The following ZMYM5 variants were observed in gnomAD, a reference collection of about 807,000 sequenced individuals.
ZMYM5 encodes zinc finger MYM-type protein 5.
ZMYM5 carries 41 observed loss-of-function variants against 61.8 expected under a neutral mutation model. The ratio of observed to expected loss-of-function variants is 0.66; its 90% CI spans 0.52 to 0.86. ZMYM5 has a LOEUF of 0.86. Among genes scored for constraint, ZMYM5 ranks in the 40% least tolerant of loss-of-function variants. The pLI is 0.00. For synonymous variants in ZMYM5, 257 were observed against 276.4 expected (o/e 0.93, Z 0.70); for missense variants, 706 against 786.7 (o/e 0.90, Z 1.23).
Position 19,838,911 on chromosome 13 carries a change from C to T in ZMYM5, c.661G>A (p.Ala221Thr), listed in dbSNP as rs746928521. Residue 221 changes from alanine (A) to threonine (T), a missense_variant, in exon 5 of 8, where the codon GCC (alanine) becomes ACC (threonine). Ala to Thr is a moderately conservative substitution (Grantham distance 58). Coordinates refer to ENST00000337963, the MANE Select transcript of ZMYM5 (RefSeq NM_001142684.2). The stretch of plus-strand genomic sequence containing the variant: ...TGGAAATTCTGCTTACGAAGTAAGG[C>T]CACTGGTGATAAAGAATCCACCCCT... ...QPGVDSLSPVALLRKQNFQPT... is the reference protein window; with the variant it reads ...QPGVDSLSPVTLLRKQNFQPT... The T allele has an allele frequency of 6.8e-6, 11 of 1,614,010 alleles. No individual in the cohort carries two copies. Among genetic ancestry groups the T allele is most frequent in the Non-Finnish European group, 9.3e-6 (11 of 1,180,012 alleles).
At chr13:19,855,552 G>A (rs573665520) in intron 2 of ZMYM5, among the ~76,000 whole-genome samples, 7 of 151,594 alleles carry the variant, frequency 4.6e-5, no homozygotes, top group Admixed American at 6.6e-5. Context: ...ATGAGCCACC[G>A]CGCCCGGCCC....
At chr13:19,847,853 C>T (rs1221656881) in intron 4 of ZMYM5, among the ~76,000 whole-genome samples, 1 of 130,630 alleles carries the variant, frequency 7.7e-6, no homozygotes, top group Non-Finnish European at 1.6e-5. Flanking sequence ...ACGGGTTTCA[C>T]TGTGTTAGCC....
At chr13:19,829,135 T>TA (rs1368241874) in intron 7 of ZMYM5, among the ~76,000 whole-genome samples, 1 of 152,086 alleles carries the variant, frequency 6.6e-6, no homozygotes, top group Non-Finnish European at 1.5e-5. Flanking sequence ...AAAAACCAGA[T>TA]ACATTTAGTA....
intron 5 of ZMYM5, among the ~76,000 whole-genome samples, chr13:19,838,309 T>C (rs1242934866): frequency 6.6e-6 from 1 of 151,880 alleles, no homozygotes; most frequent in Non-Finnish European, 1.5e-5. Context: ...ACCTGGGAGG[T>C]GGAAGTTGCA....
intron 2 of ZMYM5, among the ~76,000 whole-genome samples, chr13:19,860,385 C>A (rs1202918191): frequency 6.7e-6 from 1 of 150,294 alleles, no homozygotes; most frequent in Non-Finnish European, 1.5e-5. Context: ...CTCTGCCTCT[C>A]AAGTAGCTGG....
intron 7 of ZMYM5, among the ~76,000 whole-genome samples, chr13:19,833,937 C>G (rs1952595472): frequency 6.6e-6 from 1 of 152,150 alleles, no homozygotes; most frequent in Admixed American, 6.6e-5. Flanking sequence ...CCCAGGAGTT[C>G]GAGACCAGCC....
At chr13:19,858,024 AT>A (rs1484985919) in intron 2 of ZMYM5, among the ~76,000 whole-genome samples, 1 of 148,674 alleles carries the variant, frequency 6.7e-6, no homozygotes, top group African/African-American at 2.5e-5. Flanking sequence ...AAAATAAAAA[AT>A]AAATATAATA....
chr13:19,861,804 C>G lies in ZMYM5; in HGVS notation c.-11+595G>C, dbSNP rs529390335. 2.0e-5 allele frequency among the ~76,000 whole-genome samples: 3 copies of G among 151,286 alleles called. No homozygotes were observed. The South Asian group carries it at 6.3e-4, about 32-fold the overall frequency. On this transcript the variant is annotated intron_variant, in intron 2 of 7. Coordinates refer to ENST00000337963, the MANE Select transcript of ZMYM5 (RefSeq NM_001142684.2). ...AAGTGAATAGCTGACAGAGAAAGGG[C>G]ATTTGTACTGTACCAAAATGAACAC...
At chr13:19,846,056 C>T (rs147983482) in intron 4 of ZMYM5, among the ~76,000 whole-genome samples, 1 of 152,234 alleles carries the variant, frequency 6.6e-6, no homozygotes, top group Admixed American at 6.5e-5. Flanking sequence ...AGGTATGATC[C>T]AAGGAGCTTA....
intron 4 of ZMYM5, among the ~76,000 whole-genome samples, chr13:19,843,894 G>A (rs1462553650): frequency 6.6e-6 from 1 of 151,634 alleles, no homozygotes; most frequent in African/African-American, 2.4e-5. Flanking sequence ...CAGCACTTTG[G>A]GAGGCTGAGG....
chr13:19,835,566 G>C lies in ZMYM5; in HGVS notation c.1162C>G (p.Pro388Ala), dbSNP rs1952648424. Residue 388 changes from proline to alanine, a missense_variant, in exon 7 of 8, where the codon CCT (proline) becomes GCT (alanine). Pro to Ala is a conservative substitution (Grantham distance 27). Around this residue, in one of 2 missense-constraint regions of ZMYM5, gnomAD observed 480 missense variants for 461.7 expected, o/e 1.04. Transcript: ENST00000337963. Reference sequence around the variant, plus strand: ...ATGTTGTTTCCAGTACTCTTACTAGGCATGTACTCTCCACAGTGTTCACAG... The same window carrying C: ...ATGTTGTTTCCAGTACTCTTACTAGCCATGTACTCTCCACAGTGTTCACAG... ...NCCEHCGEYM[P>A]SKSTGNNILV... 7.3e-7 allele frequency: 1 copy of C among 1,367,470 alleles called. No individual in the cohort carries two copies. Among genetic ancestry groups the C allele is most frequent in the Admixed American group, 1.9e-5 (1 of 52,542 alleles). 84.7% of individuals were successfully genotyped at this position (1,367,470 alleles called of 1,614,324 possible).
At position 19,823,508 on chromosome 13, in the gene ZMYM5, A is replaced by AT. The variant is rs1174704147; in HGVS notation, c.*968dup. 2 of 152,082 alleles carry AT rather than the reference A, an allele frequency of 1.3e-5. No individual in the cohort carries two copies. Among genetic ancestry groups the AT allele is most frequent in the Non-Finnish European group, 2.9e-5 (2 of 68,026 alleles). 9.4% of individuals were successfully genotyped at this position (152,082 alleles called of 1,614,324 possible). A position where few individuals can be genotyped will look rare whatever the true frequency, so the allele number is the denominator to read the frequency against. On this transcript the variant is annotated 3_prime_UTR_variant, in exon 8 of 8. Coordinates refer to ENST00000337963, the MANE Select transcript of ZMYM5 (RefSeq NM_001142684.2). ...TAACTTAATATATACTTATTTTAAT[A>AT]TTTTTTATATTTTTATCAACATAAA...
At chr13:19,825,442 C>T (rs556532670) in intron 7 of ZMYM5, among the ~76,000 whole-genome samples, 68 of 148,328 alleles carry the variant, frequency 4.6e-4, no homozygotes, top group African/African-American at 1.5e-3. Context: ...GTCAGGAGTT[C>T]GAGAACAAGT....
chr13:19,834,837 C>T (rs1420000386), intron 7 of ZMYM5, among the ~76,000 whole-genome samples: 2 of 152,022 alleles, frequency 1.3e-5, no homozygotes, highest in Admixed American at 6.6e-5. Flanking sequence ...TACAGGCACA[C>T]ACCAACTCGC....
chr13:19,858,224 C>A (rs1214581901), intron 2 of ZMYM5, among the ~76,000 whole-genome samples: 3 of 150,420 alleles, frequency 2.0e-5, no homozygotes, highest in South Asian at 4.2e-4. Context: ...AACAAAAAAA[C>A]CACAAAGACA....
Position 19,843,368 on chromosome 13 carries a change from G to GA in ZMYM5, c.587-4384_587-4383insT, listed in dbSNP as rs1317961541. On this transcript the variant is annotated intron_variant, in intron 4 of 7. Transcript: ENST00000337963. ...GCCGAGATTGCGCCACTGCACTCCA[G>GA]CAAAAAAAAAAAAAAAAAAAAAAAA... The GA allele has an allele frequency of 3.7e-3, 8 of 2,186 alleles. 1 individual carries two copies. The East Asian group carries it at 0.071, about 20-fold the overall frequency. The allele number at this position is 2,186 out of a possible 1,614,324, so 0.1% of individuals were successfully genotyped here. A position where few individuals can be genotyped will look rare whatever the true frequency, so the allele number is the denominator to read the frequency against.
chr13:19,845,620 TA>T (rs1953049031), intron 4 of ZMYM5, among the ~76,000 whole-genome samples: 1 of 152,200 alleles, frequency 6.6e-6, no homozygotes. Context: ...CAAGGTTGGA[TA>T]ATTTGTTAGA....
intron 7 of ZMYM5, among the ~76,000 whole-genome samples, chr13:19,828,601 A>C (rs1891042881): frequency 6.6e-6 from 1 of 152,208 alleles, no homozygotes; most frequent in East Asian, 1.9e-4. Context: ...TATGTAAGGA[A>C]GGAAGAGGCA....
In ZMYM5 at chr13:19,855,554, G is replaced by GC. The variant is rs374725427; in HGVS notation, c.-10-3365dup. 2.2e-3 allele frequency among the ~76,000 whole-genome samples: 336 copies of GC among 151,744 alleles called. 1 individual carries two copies. Among genetic ancestry groups the GC allele is most frequent in the African/African-American group, 8.0e-3 (333 of 41,390 alleles). On this transcript the variant is annotated intron_variant, in intron 2 of 7. Transcript: ENST00000337963. Reference sequence around the variant, plus strand: ...TGGGATTACAGGCATGAGCCACCGCGCCCGGCCCACAGTATCTTCTTATGT... The same window carrying GC: ...TGGGATTACAGGCATGAGCCACCGCGCCCCGGCCCACAGTATCTTCTTATGT...
Sources: allele counts gnomAD v4.1 joint callset (sites outside exome capture counted in the v4.1 genomes callset), GRCh38; gene constraint gnomAD v4.1.1; regional missense constraint gnomAD v4.1.1; transcripts MANE v1.5; gene names NCBI Gene and HGNC (gene_info 2026-07-23, HGNC 2026-07-21).